RFTN1: variants seen among roughly 807,000 people sequenced by gnomAD.
RFTN1 encodes the protein raftlin.
Under a neutral mutation model 46.5 loss-of-function variants are expected in RFTN1, and 26 were observed. The ratio of observed to expected loss-of-function variants is 0.56; its 90% CI spans 0.41 to 0.78. The LOEUF (loss-of-function observed/expected upper bound fraction) is 0.78. RFTN1 is among the 30% of genes least tolerant of loss of function. The pLI is 0.00. For synonymous variants in RFTN1, 261 were observed against 284.2 expected, an observed-to-expected ratio of 0.92 and a Z score of 0.82; for missense variants, 693 against 718.7, an observed-to-expected ratio of 0.96 and a Z score of 0.41.
intron 8 of RFTN1, among the ~76,000 whole-genome samples, chr3:16,326,083 T>C (rs753668608): frequency 6.6e-6 from 1 of 152,248 alleles, no homozygotes; most frequent in Non-Finnish European, 1.5e-5. Flanking sequence ...AAAATGGGAA[T>C]CATATCCATG....
rs2074026860 is a variant in RFTN1, at chr3:16,382,502, TCTC to T, written c.442-4403_442-4401del. Among the ~76,000 whole-genome samples, 1 of 151,956 alleles carries T rather than the reference TCTC, an allele frequency of 6.6e-6. No homozygotes were observed. The highest frequency in any genetic ancestry group is 1.5e-5 in the Non-Finnish European group (1 of 67,968). Reference sequence around the variant, plus strand: ...TCAGGGTTCATCCCCGGCTGCCAGCTCTCCTCCACTCTACACTCCCCTTGGTGA... The same window carrying T: ...TCAGGGTTCATCCCCGGCTGCCAGCTCTCCACTCTACACTCCCCTTGGTGA... On this transcript the variant is annotated intron_variant, in intron 4 of 9. Transcript: ENST00000334133. The surrounding 1 kb of genome is among the most constrained non-coding windows in gnomAD (Gnocchi z 4.7).
chr3:16,480,094 G>A lies in RFTN1; in HGVS notation c.145+13631C>T, dbSNP rs1379381236. ...TGCTCAATACAGAGCCTGAAAAAGA[G>A]TAGATAATCAATAAATATTGAATGG... On this transcript the variant is annotated intron_variant, in intron 2 of 9. Transcript: ENST00000334133. The surrounding 1 kb of genome is among the most constrained non-coding windows in gnomAD (Gnocchi z 4.3). 1.3e-5 allele frequency among the ~76,000 whole-genome samples: 2 copies of A among 152,228 alleles called. No individual in the cohort carries two copies. The highest frequency in any genetic ancestry group is 4.8e-5 in the African/African-American group (2 of 41,446).
At position 16,329,871 on chromosome 3, in the gene RFTN1, A is replaced by G. The variant is rs2070130449; in HGVS notation, c.1147-2995T>C. Among the ~76,000 whole-genome samples the G allele has an allele frequency of 6.6e-6, 1 of 152,054 alleles. No homozygotes were observed. The highest frequency in any genetic ancestry group is 2.4e-5 in the African/African-American group (1 of 41,392). On this transcript the variant is annotated intron_variant, in intron 7 of 9. Transcript: ENST00000334133. This position sits in a 1 kb window ranked among gnomAD's most constrained non-coding sequence, Gnocchi z 4.5. ...CTGAGTGGCAGAATGGAGTCCTTTT[A>G]TTGGTGGCTGCATCTCGGGCCAGGT...
rs897499714 is a variant in RFTN1, at chr3:16,440,193, G to T, written c.146-6156C>A. Among the ~76,000 whole-genome samples, 18 of 152,122 alleles carry T rather than the reference G, an allele frequency of 1.2e-4. No individual in the cohort carries two copies. Among genetic ancestry groups the T allele is most frequent in the African/African-American group, 3.9e-4 (16 of 41,412 alleles). The stretch of plus-strand genomic sequence containing the variant: ...TTTTCTCCACTTTCTAATCTGTCAG[G>T]TTCTATAGTTTTTATCTACAGTGAT... On this transcript the variant is annotated intron_variant, in intron 2 of 9. Transcript: ENST00000334133. This position sits in a 1 kb window ranked among gnomAD's most constrained non-coding sequence, Gnocchi z 4.6.
rs1344708038 is a variant in RFTN1, at chr3:16,479,533, A to T, written c.145+14192T>A. Among the ~76,000 whole-genome samples, 2 of 152,230 alleles carry T rather than the reference A, an allele frequency of 1.3e-5. No individual in the cohort carries two copies. Among genetic ancestry groups the T allele is most frequent in the Admixed American group, 6.5e-5 (1 of 15,284 alleles). On this transcript the variant is annotated intron_variant, in intron 2 of 9. Coordinates refer to ENST00000334133, the MANE Select transcript of RFTN1 (RefSeq NM_015150.2). This position sits in a 1 kb window ranked among gnomAD's most constrained non-coding sequence, Gnocchi z 5.1. ...TTGCACACCTTTACAGCATTATTCC[A>T]GCCTGGGCTATTAGAAACAGCATCA...
rs1017742554 is a variant in RFTN1 at position 16,316,267 on chromosome 3, G to A, written c.*561C>T. The A allele has an allele frequency of 1.2e-5, 2 of 160,636 alleles. No homozygotes were observed. Among genetic ancestry groups the A allele is most frequent in the Admixed American group, 1.3e-4 (2 of 15,554 alleles). 10.0% of individuals were successfully genotyped at this position (160,636 alleles called of 1,614,324 possible). A position where few individuals can be genotyped will look rare whatever the true frequency, so the allele number is the denominator to read the frequency against. On this transcript the variant is annotated 3_prime_UTR_variant, in exon 10 of 10. Coordinates refer to ENST00000334133, the MANE Select transcript of RFTN1 (RefSeq NM_015150.2). The surrounding 1 kb of genome is among the most constrained non-coding windows in gnomAD (Gnocchi z 4.5). The stretch of plus-strand genomic sequence containing the variant: ...ACCAGTATCTATAGGACTATTTTGA[G>A]AAAAGCTGGGAGGCGGAGCACCTCC...
intron 4 of RFTN1, among the ~76,000 whole-genome samples, chr3:16,397,507 G>T (rs1204399288): frequency 6.6e-6 from 1 of 152,162 alleles, no homozygotes; most frequent in Non-Finnish European, 1.5e-5. Flanking sequence ...CGCAAAAATG[G>T]TAACTATGCA....
rs376237487 is a variant in RFTN1, at chr3:16,328,311, G to C, written c.1147-1435C>G. On this transcript the variant is annotated intron_variant, in intron 7 of 9. Transcript: ENST00000334133. Reference sequence around the variant, plus strand: ...TCGGCTTAACTCAGAGGCAGCGCGCGTGACCATGGTCTGGAGTGCTCCACT... The same window carrying C: ...TCGGCTTAACTCAGAGGCAGCGCGCCTGACCATGGTCTGGAGTGCTCCACT... Among the ~76,000 whole-genome samples, 11 of 152,342 alleles carry C rather than the reference G, an allele frequency of 7.2e-5. No individual in the cohort carries two copies. The South Asian group carries it at 2.3e-3, about 32-fold the overall frequency.
At position 16,473,060 on chromosome 3, in the gene RFTN1, C is replaced by T. The variant is rs547553364; in HGVS notation, c.145+20665G>A. ...ATCTGTTGGCTATAAATGAACTCAT[C>T]GATAACACTCATTTCCCATTTAGAT... On this transcript the variant is annotated intron_variant, in intron 2 of 9. Transcript: ENST00000334133. The surrounding 1 kb of genome is among the most constrained non-coding windows in gnomAD (Gnocchi z 5.3). Among the ~76,000 whole-genome samples the T allele has an allele frequency of 2.2e-3, 331 of 152,320 alleles. 2 individuals are homozygous for T. Among genetic ancestry groups the T allele is most frequent in the Middle Eastern group, 0.01 (3 of 294 alleles).
At chr3:16,454,839 C>T in intron 2 of RFTN1, 13 of 921,152 alleles carry the variant, frequency 1.4e-5, no homozygotes, top group Non-Finnish European at 1.6e-5. Flanking sequence ...TCATTTTCTT[C>T]TCCTCACAAC....
intron 3 of RFTN1, among the ~76,000 whole-genome samples, chr3:16,416,719 G>A (rs952164200): frequency 6.6e-6 from 1 of 152,156 alleles, no homozygotes; most frequent in Non-Finnish European, 1.5e-5. Context: ...ATAAAGATGA[G>A]TAATGTAGAC....
rs5846920 is a variant in RFTN1, at chr3:16,337,740, CAAA to C, written c.1147-10867_1147-10865del. 8.7e-4 allele frequency among the ~76,000 whole-genome samples: 83 copies of C among 95,158 alleles called. 1 individual carries two copies. Among genetic ancestry groups the C allele is most frequent in the African/African-American group, 2.0e-3 (61 of 30,460 alleles). 62.4% of individuals were successfully genotyped at this position (95,158 alleles called of 152,430 possible). A position where few individuals can be genotyped will look rare whatever the true frequency, so the allele number is the denominator to read the frequency against. ...CTGGCGACAGAGCGAGACTCCATCTCAAAAAAAAAAAAAAAAAGAAAAGAAAGT... is the reference window on the plus strand; with the variant it reads ...CTGGCGACAGAGCGAGACTCCATCTCAAAAAAAAAAAAAAGAAAAGAAAGT... On this transcript the variant is annotated intron_variant, in intron 7 of 9. Coordinates refer to ENST00000334133, the MANE Select transcript of RFTN1 (RefSeq NM_015150.2). This position sits in a 1 kb window ranked among gnomAD's most constrained non-coding sequence, Gnocchi z 5.0.
At chr3:16,478,827 T>C (rs947790282) in intron 2 of RFTN1, among the ~76,000 whole-genome samples, 1 of 152,204 alleles carries the variant, frequency 6.6e-6, no homozygotes, top group Non-Finnish European at 1.5e-5. Flanking sequence ...CCTTGCCACA[T>C]GGGTCTCTCC....
chr3:16,317,689 C>G lies in RFTN1; in HGVS notation c.1333-457G>C, dbSNP rs545317596. On this transcript the variant is annotated intron_variant, in intron 9 of 9. Coordinates refer to ENST00000334133, the MANE Select transcript of RFTN1 (RefSeq NM_015150.2). The surrounding 1 kb of genome is among the most constrained non-coding windows in gnomAD (Gnocchi z 4.3). The stretch of plus-strand genomic sequence containing the variant: ...CTCTCACTAGGTCACCTGAGTAAGG[C>G]AGGGCCCAGAACATGGGGCAGACAC... Among the ~76,000 whole-genome samples, 16 of 152,268 alleles carry G rather than the reference C, an allele frequency of 1.1e-4. No homozygotes were observed. In the South Asian group the frequency reaches 3.1e-3, roughly 30 times the overall value.
rs2070824089 is a variant in RFTN1, at chr3:16,336,114, C to G, written c.1147-9238G>C. ...AGGAATGCCAAGACAGAAAGAAGGGCCACTTCACCTCTACCTCTCCCTAGC... is the reference window on the plus strand; with the variant it reads ...AGGAATGCCAAGACAGAAAGAAGGGGCACTTCACCTCTACCTCTCCCTAGC... On this transcript the variant is annotated intron_variant, in intron 7 of 9. Transcript: ENST00000334133. The surrounding 1 kb of genome is among the most constrained non-coding windows in gnomAD (Gnocchi z 6.0). Among the ~76,000 whole-genome samples the G allele has an allele frequency of 6.6e-6, 1 of 152,200 alleles. No individual in the cohort carries two copies. Among genetic ancestry groups the G allele is most frequent in the African/African-American group, 2.4e-5 (1 of 41,442 alleles).
At chr3:16,405,185 CCA>C (rs2074823017) in intron 4 of RFTN1, among the ~76,000 whole-genome samples, 1 of 152,144 alleles carries the variant, frequency 6.6e-6, no homozygotes, top group African/African-American at 2.4e-5. Flanking sequence ...GACCTGCCAG[CCA>C]CACAGTCTCC....
rs2069745149 is a variant in RFTN1 at position 16,326,821 on chromosome 3, C to G, written c.1202G>C (p.Gly401Ala). 6.2e-7 allele frequency: 1 copy of G among 1,614,134 alleles called. No homozygotes were observed. The highest frequency in any genetic ancestry group is 8.5e-7 in the Non-Finnish European group (1 of 1,180,018). ...TGGTAGCACACAGGTGAGCTGCCAG[C>G]CATAGGCCGCCAGCGAGTTCAGCAG... The part of the protein sequence containing the change: ...VPLLNSLAAY[G>A]WQLTCVLPTP... The change falls in exon 8 of 10, where the codon GGC (glycine) becomes GCC (alanine). Residue 401 changes from glycine to alanine, a missense_variant. Transcript: ENST00000334133.
At chr3:16,339,083 G>T (rs1459028331) in intron 7 of RFTN1, among the ~76,000 whole-genome samples, 1 of 152,210 alleles carries the variant, frequency 6.6e-6, no homozygotes, top group Admixed American at 6.5e-5. Context: ...AACACACCAT[G>T]TGCTGGGCTG....
chr3:16,332,346 T>TG (rs35029497), intron 7 of RFTN1, among the ~76,000 whole-genome samples: 104,002 of 151,582 alleles, frequency 0.69, 35,851 homozygotes, highest in Middle Eastern at 0.72. Context: ...TCTTCCAACT[T>TG]TTATGTTTTT....
Sources: allele counts gnomAD v4.1 joint callset (sites outside exome capture counted in the v4.1 genomes callset), GRCh38; gene constraint gnomAD v4.1.1; non-coding constraint Gnocchi (gnomAD v3.1); transcripts MANE v1.5; gene names NCBI Gene and HGNC (gene_info 2026-07-23, HGNC 2026-07-21).